Variants in SCAI observed in about 807,000 individuals in gnomAD.
The protein encoded by SCAI is suppressor of cancer cell invasion.
SCAI carries 24 observed loss-of-function variants against 92.2 expected under a neutral mutation model. That is an observed-to-expected ratio of 0.26 (90% CI 0.19 to 0.37). The LOEUF (loss-of-function observed/expected upper bound fraction) is 0.37. SCAI is among the 10% of genes least tolerant of loss of function. The pLI is 1.00. For missense variants in SCAI, 450 were observed against 736.2 expected (o/e 0.61, Z 4.50); for synonymous variants, 261 against 258.6 (o/e 1.01, Z -0.09).
intron 2 of SCAI, among the ~76,000 whole-genome samples, chr9:125,065,504 C>A (rs1833854397): frequency 6.6e-6 from 1 of 152,038 alleles, no homozygotes; most frequent in Non-Finnish European, 1.5e-5. Context: ...TAAAAAACAT[C>A]TAAAGAAGAC....
At chr9:125,087,205 A>G (rs1413688528) in intron 2 of SCAI, among the ~76,000 whole-genome samples, 1 of 152,256 alleles carries the variant, frequency 6.6e-6, no homozygotes, top group Non-Finnish European at 1.5e-5. Flanking sequence ...GACATGTTAT[A>G]GCTAAATGAG....
At chr9:125,101,072 C>A (rs141909060) in intron 2 of SCAI, among the ~76,000 whole-genome samples, 1 of 152,070 alleles carries the variant, frequency 6.6e-6, no homozygotes, top group Non-Finnish European at 1.5e-5. Context: ...ACAACAACAA[C>A]AACAACAAAC....
intron 3 of SCAI, among the ~76,000 whole-genome samples, chr9:125,038,255 G>T (rs1183137351): frequency 6.6e-6 from 1 of 152,140 alleles, no homozygotes; most frequent in Non-Finnish European, 1.5e-5. Context: ...AAAAAGAAAA[G>T]AAATAATTCA....
intron 2 of SCAI, among the ~76,000 whole-genome samples, chr9:125,095,735 C>G (rs1398909238): frequency 6.6e-6 from 1 of 152,122 alleles, no homozygotes; most frequent in Non-Finnish European, 1.5e-5. Flanking sequence ...GGAATATGGA[C>G]ATAATATTGA....
intron 2 of SCAI, among the ~76,000 whole-genome samples, chr9:125,071,559 CA>C: frequency 6.6e-6 from 1 of 152,272 alleles, no homozygotes; most frequent in Middle Eastern, 3.4e-3. Context: ...CAGTGATACA[CA>C]GCCAGAAGGC....
Position 125,019,220 on chromosome 9 carries a change from A to C in SCAI, c.610-15T>G. ...TCTGACAATTCCTGATTTTAAAAAC[A>C]TCACAAAAAAGGTTATTAAAAAACC... On this transcript the variant is annotated splice_polypyrimidine_tract_variant and intron_variant, in intron 7 of 17. Coordinates refer to ENST00000336505, the MANE Select transcript of SCAI (RefSeq NM_001144877.3). 1.4e-6 allele frequency: 2 copies of C among 1,431,506 alleles called. No individual in the cohort carries two copies. Among genetic ancestry groups the C allele is most frequent in the Non-Finnish European group, 1.9e-6 (2 of 1,034,094 alleles). The allele number at this position is 1,431,506 out of a possible 1,614,324, so 88.7% of individuals were successfully genotyped here.
At chr9:125,045,215 A>C (rs1833410275) in intron 3 of SCAI, among the ~76,000 whole-genome samples, 1 of 152,128 alleles carries the variant, frequency 6.6e-6, no homozygotes, top group Non-Finnish European at 1.5e-5. Context: ...TTAGACATGC[A>C]CCACCATGCC....
intron 3 of SCAI, among the ~76,000 whole-genome samples, chr9:125,055,265 T>A (rs1279420197): frequency 6.6e-6 from 1 of 152,210 alleles, no homozygotes; most frequent in Non-Finnish European, 1.5e-5. Context: ...AATTTTCTTC[T>A]AACTGGTACT....
intron 2 of SCAI, among the ~76,000 whole-genome samples, chr9:125,061,810 T>C (rs935398423): frequency 6.6e-6 from 1 of 151,376 alleles, no homozygotes; most frequent in Non-Finnish European, 1.5e-5. Context: ...AAAATATATA[T>C]GGAATTCATC....
At chr9:125,008,477 C>T (rs564292105) in intron 9 of SCAI, among the ~76,000 whole-genome samples, 1 of 152,036 alleles carries the variant, frequency 6.6e-6, no homozygotes, top group South Asian at 2.1e-4. Context: ...CATCATGCTG[C>T]CCAGGCTAGG....
chr9:125,018,679 T>C (rs1832811244), intron 9 of SCAI, 120 bp downstream of exon 9: 1 of 839,622 alleles, frequency 1.2e-6, no homozygotes, highest in African/African-American at 1.7e-5. Flanking sequence ...ACAGCATAAT[T>C]TAATCAGCAA....
chr9:124,952,764 T>G lies in SCAI; in HGVS notation c.*43A>C, dbSNP rs759204149. 6.4e-7 allele frequency: 1 copy of G among 1,561,574 alleles called. No homozygotes were observed. Among genetic ancestry groups the G allele is most frequent in the Non-Finnish European group, 8.8e-7 (1 of 1,140,912 alleles). On this transcript the variant is annotated 3_prime_UTR_variant, in exon 18 of 18. Coordinates refer to ENST00000336505, the MANE Select transcript of SCAI (RefSeq NM_001144877.3). ...CGTTAGAAAACTGCACCATTTAAAA[T>G]TTGTGGAAAATGAAAACTTGTTTCG... is the stretch of plus-strand genomic sequence containing the variant.
chr9:125,050,645 T>A (rs1019669798), intron 3 of SCAI, among the ~76,000 whole-genome samples: 1 of 151,952 alleles, frequency 6.6e-6, no homozygotes, highest in Non-Finnish European at 1.5e-5. Context: ...ATAACATAGC[T>A]CATTGCAGCT....
intron 12 of SCAI, among the ~76,000 whole-genome samples, 158 bp downstream of exon 12, chr9:125,001,807 G>T (rs1420710687): frequency 6.6e-6 from 1 of 152,070 alleles, no homozygotes; most frequent in African/African-American, 2.4e-5. Flanking sequence ...GACAGACTGG[G>T]GTATCTACAA....
rs1831115945 is a variant in SCAI at position 124,944,762 on chromosome 9, T to C, written c.*8045A>G. On this transcript the variant is annotated 3_prime_UTR_variant, in exon 18 of 18. Coordinates refer to ENST00000336505, the MANE Select transcript of SCAI (RefSeq NM_001144877.3). ...TCATGTATGATCATTTCAAATTTTA[T>C]ACTTATTCATACTGATTTCATGTTT... 1 of 152,216 alleles carries C rather than the reference T, an allele frequency of 6.6e-6. No homozygotes were observed. Among genetic ancestry groups the C allele is most frequent in the African/African-American group, 2.4e-5 (1 of 41,458 alleles). 9.4% of individuals were successfully genotyped at this position (152,216 alleles called of 1,614,324 possible).
Position 125,045,575 on chromosome 9 carries a change from A to G in SCAI, c.230+10301T>C, listed in dbSNP as rs115842365. 1.2e-3 allele frequency among the ~76,000 whole-genome samples: 180 copies of G among 152,200 alleles called. 2 individuals carry two copies. The highest frequency in any genetic ancestry group is 4.1e-3 in the African/African-American group (172 of 41,526). ...GGTCTTAAATTCCTGAGCTCAGGCA[A>G]TCCTCTGGCCTTGGCCTCCCAAAGT... On this transcript the variant is annotated intron_variant, in intron 3 of 17. Transcript: ENST00000336505.
intron 17 of SCAI, among the ~76,000 whole-genome samples, chr9:124,959,270 T>A (rs551793483): frequency 1.9e-3 from 226 of 118,938 alleles, no homozygotes; most frequent in African/African-American, 3.7e-3. Context: ...TAATAAAATT[T>A]AAAAAAAAAA....
intron 2 of SCAI, among the ~76,000 whole-genome samples, chr9:125,125,796 A>G (rs1336208027): frequency 6.8e-6 from 1 of 146,190 alleles, no homozygotes; most frequent in Non-Finnish European, 1.5e-5. Context: ...ACGCCACTAC[A>G]CTCCAGCCTG....
In SCAI at chr9:124,943,752, C is replaced by G. The variant is rs905621069; in HGVS notation, c.*9055G>C. 9.2e-5 allele frequency: 14 copies of G among 152,240 alleles called. No homozygotes were observed. The highest frequency in any genetic ancestry group is 3.1e-4 in the African/African-American group (13 of 41,568). The allele number at this position is 152,240 out of a possible 1,614,324, so 9.4% of individuals were successfully genotyped here. ...GATCAAACATAACTTATTTTAACTCCTATTTGATTATCTTAACCTTTAGTG... is the reference window on the plus strand; with the variant it reads ...GATCAAACATAACTTATTTTAACTCGTATTTGATTATCTTAACCTTTAGTG... On this transcript the variant is annotated 3_prime_UTR_variant, in exon 18 of 18. Coordinates refer to ENST00000336505, the MANE Select transcript of SCAI (RefSeq NM_001144877.3).
Sources: allele counts gnomAD v4.1 joint callset (sites outside exome capture counted in the v4.1 genomes callset), GRCh38; gene constraint gnomAD v4.1.1; transcripts MANE v1.5; gene names NCBI Gene and HGNC (gene_info 2026-07-23, HGNC 2026-07-21).